TRIO: variants seen among roughly 807,000 people sequenced by gnomAD.
TRIO encodes the protein trio Rho guanine nucleotide exchange factor, also known as triple functional domain protein.
Under a neutral mutation model 351.9 loss-of-function variants are expected in TRIO, and 58 were observed. The observed-to-expected ratio is 0.16, with a 90% confidence interval of 0.13 to 0.21. The LOEUF is 0.21. TRIO is among the 10% of genes least tolerant of loss of function. The probability of loss-of-function intolerance (pLI) is 1.00; values close to 1 mark genes in which losing one functional copy is unlikely to be tolerated. For missense variants in TRIO, 3,201 were observed against 4,027.8 expected (o/e 0.79, Z 5.56); for synonymous variants, 1,758 against 1,595.7 (o/e 1.10, Z -2.42).
chr5:14,495,744 G>A (rs1157706393), intron 49 of TRIO, among the ~76,000 whole-genome samples: 3 of 151,672 alleles, frequency 2.0e-5, no homozygotes, highest in Admixed American at 6.6e-5. Context: ...CAAGACGGGT[G>A]GATCACGAGG....
chr5:14,464,886 T>A (rs1444668075), intron 36 of TRIO, among the ~76,000 whole-genome samples: 2 of 152,064 alleles, frequency 1.3e-5, no homozygotes, highest in Non-Finnish European at 2.9e-5. Context: ...CCCCCAGATT[T>A]CCTGTCAACC....
At chr5:14,183,812 G>T in intron 1 of TRIO, 1 of 625,810 alleles carries the variant, frequency 1.6e-6, no homozygotes, top group Non-Finnish European at 2.9e-6. Flanking sequence ...GGGATATCTA[G>T]AGGTTGTTTG....
chr5:14,412,575 G>A (rs1749296094), intron 33 of TRIO, among the ~76,000 whole-genome samples: 1 of 152,172 alleles, frequency 6.6e-6, no homozygotes, highest in African/African-American at 2.4e-5. Flanking sequence ...AGGCACAGAG[G>A]TGTCCTACAC....
chr5:14,426,140 T>C (rs183921226), intron 34 of TRIO, among the ~76,000 whole-genome samples: 2 of 152,302 alleles, frequency 1.3e-5, no homozygotes, highest in Admixed American at 1.3e-4. Context: ...CTTGCTTAAA[T>C]TTCTTTGGCG....
intron 1 of TRIO, among the ~76,000 whole-genome samples, chr5:14,195,584 C>T (rs866873480): frequency 6.6e-6 from 1 of 152,208 alleles, no homozygotes; most frequent in Non-Finnish European, 1.5e-5. Context: ...TGTACTCATT[C>T]ATGATTTTTG....
At chr5:14,258,766 C>T (rs1294182650) in intron 1 of TRIO, among the ~76,000 whole-genome samples, 1 of 152,238 alleles carries the variant, frequency 6.6e-6, no homozygotes, top group African/African-American at 2.4e-5. Flanking sequence ...CCATCCCAGC[C>T]TCCTGCTCCA....
Position 14,390,890 on chromosome 5 carries a change from T to A in TRIO, c.4129-11T>A. ...TGATTTAAATGAGATCTTTTTTTTT[T>A]TGGCTTACAGGCAGACAAGTTTCAG... On this transcript the variant is annotated splice_polypyrimidine_tract_variant and intron_variant, in intron 26 of 56. Transcript: ENST00000344204. 3 of 1,587,272 alleles carry A rather than the reference T, an allele frequency of 1.9e-6. No homozygotes were observed. Among genetic ancestry groups the A allele is most frequent in the Non-Finnish European group, 2.6e-6 (3 of 1,172,164 alleles).
chr5:14,202,012 A>C (rs1791144935), intron 1 of TRIO, among the ~76,000 whole-genome samples: 1 of 151,776 alleles, frequency 6.6e-6, no homozygotes, highest in Non-Finnish European at 1.5e-5. Flanking sequence ...AGATATACCT[A>C]ATGTAAATGA....
At chr5:14,274,592 G>T (rs1033214354) in intron 2 of TRIO, among the ~76,000 whole-genome samples, 2 of 152,104 alleles carry the variant, frequency 1.3e-5, no homozygotes, top group African/African-American at 4.8e-5. Context: ...CGTAAAGAGA[G>T]ATGTCCCATC....
chr5:14,338,410 C>T (rs1211257251), intron 11 of TRIO, among the ~76,000 whole-genome samples: 4 of 152,168 alleles, frequency 2.6e-5, no homozygotes, highest in Admixed American at 6.5e-5. Flanking sequence ...CTTTCTGGCA[C>T]CTTTGAGACA....
intron 23 of TRIO, 27 bp from the exon 24 acceptor site, chr5:14,388,586 A>G: frequency 6.2e-7 from 1 of 1,603,264 alleles, no homozygotes; most frequent in Non-Finnish European, 8.5e-7. Flanking sequence ...CCCTGACTGT[A>G]CTCCTCACTG....
chr5:14,409,556 A>G (rs142022914), intron 33 of TRIO, among the ~76,000 whole-genome samples: 4,186 of 151,590 alleles, frequency 0.028, 194 homozygotes, highest in African/African-American at 0.097. Context: ...GGGTCGGCTG[A>G]GCACGCGGTG....
intron 48 of TRIO, chr5:14,488,588 T>C: frequency 2.0e-6 from 1 of 496,842 alleles, no homozygotes; most frequent in Non-Finnish European, 3.6e-6. Context: ...ACCTATTTTT[T>C]GGAGGGTTCC....
intron 1 of TRIO, among the ~76,000 whole-genome samples, chr5:14,155,268 C>T (rs1173423969): frequency 6.6e-6 from 1 of 152,192 alleles, no homozygotes; most frequent in Non-Finnish European, 1.5e-5. Flanking sequence ...TACATGTTAT[C>T]TTGTTTCTGA....
chr5:14,169,232 T>C (rs1376510665), intron 1 of TRIO, among the ~76,000 whole-genome samples: 1 of 151,398 alleles, frequency 6.6e-6, no homozygotes, highest in East Asian at 1.9e-4. Flanking sequence ...CTTTTTTAGA[T>C]GGAAGGTTCC....
At chr5:14,348,792 G>A (rs1742699903) in intron 11 of TRIO, among the ~76,000 whole-genome samples, 1 of 151,926 alleles carries the variant, frequency 6.6e-6, no homozygotes, top group Non-Finnish European at 1.5e-5. Context: ...ATGTTTGTGT[G>A]TGTACGCACG....
At chr5:14,352,888 G>GT (rs34064494) in intron 11 of TRIO, among the ~76,000 whole-genome samples, 87 of 148,304 alleles carry the variant, frequency 5.9e-4, no homozygotes, top group Middle Eastern at 3.4e-3. Flanking sequence ...TAGTTTTTGG[G>GT]TTTTTTTTTT....
chr5:14,248,207 C>T (rs181397322), intron 1 of TRIO, among the ~76,000 whole-genome samples: 4 of 151,978 alleles, frequency 2.6e-5, no homozygotes, highest in Non-Finnish European at 2.9e-5. Flanking sequence ...GGTAATGCAC[C>T]AAGTTAAAAT....
intron 46 of TRIO, 86 bp from the exon 47 acceptor site, chr5:14,484,983 C>G (rs1181828349): frequency 2.2e-6 from 3 of 1,357,712 alleles, no homozygotes; most frequent in African/African-American, 1.5e-5. Context: ...CCCACATTTT[C>G]TTTGTCCATT....
Sources: allele counts gnomAD v4.1 joint callset (sites outside exome capture counted in the v4.1 genomes callset), GRCh38; gene constraint gnomAD v4.1.1; transcripts MANE v1.5; gene names NCBI Gene and HGNC (gene_info 2026-07-23, HGNC 2026-07-21).